EXOC3L4: variants seen among roughly 807,000 people sequenced by gnomAD.
EXOC3L4 encodes exocyst complex component 3 like 4, also known as exocyst complex component 3-like protein 4.
A neutral mutation model predicts 69.7 loss-of-function variants in EXOC3L4; 62 were observed. The observed-to-expected ratio is 0.89, with a 90% CI of 0.72 to 1.10. The LOEUF is 1.10. EXOC3L4 is among the 50% of genes least tolerant of loss of function. The pLI is 0.00. For synonymous variants in EXOC3L4, 502 were observed against 464.2 expected, an observed-to-expected ratio of 1.08 and a Z score of -1.05; for missense variants, 1,087 against 1,034.8, an observed-to-expected ratio of 1.05 and a Z score of -0.69.
At chr14:103,103,703 T>C in intron 3 of EXOC3L4, 1 of 517,494 alleles carries the variant, frequency 1.9e-6, no homozygotes, top group South Asian at 2.5e-5. Context: ...GCCATCTGGG[T>C]AGCCGTCCTT....
At chr14:103,099,537 C>T (rs540426928) in intron 1 of EXOC3L4, among the ~76,000 whole-genome samples, 1 of 152,334 alleles carries the variant, frequency 6.6e-6, no homozygotes, top group African/African-American at 2.4e-5. Context: ...ACCCGAGGCT[C>T]CTCCTTCTGC....
Position 103,097,372 on chromosome 14 carries a change from A to C in EXOC3L4, c.-17+2532A>C, listed in dbSNP as rs1336819979. On this transcript the variant is annotated intron_variant, in intron 1 of 11. Transcript: ENST00000688303. This position sits in a 1 kb window ranked among gnomAD's most constrained non-coding sequence, Gnocchi z 4.9. Reference sequence around the variant, plus strand: ...CCGGGGCCCCCTGGACTCTCCGGGCACTGGGGACAGAGAGACGCAGAGAGA... The same window carrying C: ...CCGGGGCCCCCTGGACTCTCCGGGCCCTGGGGACAGAGAGACGCAGAGAGA... Among the ~76,000 whole-genome samples the C allele has an allele frequency of 6.6e-6, 1 of 152,126 alleles. No individual in the cohort carries two copies. Among genetic ancestry groups the C allele is most frequent in the East Asian group, 1.9e-4 (1 of 5,184 alleles).
rs73356622 is a variant in EXOC3L4, at chr14:103,097,610, C to G, written c.-16-2594C>G. Among the ~76,000 whole-genome samples the G allele has an allele frequency of 0.07, 10,667 of 152,140 alleles. 1,208 individuals carry two copies. Among genetic ancestry groups the G allele is most frequent in the African/African-American group, 0.24 (10,033 of 41,444 alleles). On this transcript the variant is annotated intron_variant, in intron 1 of 11. Transcript: ENST00000688303. This position sits in a 1 kb window ranked among gnomAD's most constrained non-coding sequence, Gnocchi z 4.9. ...CTTCCAGGCTGTGCTCAGGGGTGAC[C>G]GGGGTAGATGGACAGAGGCTGCCAG...
At chr14:103,107,285 C>T (rs1274713783) in intron 8 of EXOC3L4, 139 bp from the exon 9 acceptor site, 4 of 1,349,178 alleles carry the variant, frequency 3.0e-6, no homozygotes, top group Middle Eastern at 2.3e-4. Flanking sequence ...GGGCTCGTGA[C>T]ATAACCTGTG....
Position 103,107,524 on chromosome 14 carries a change from T to C in EXOC3L4, c.1682T>C (p.Val561Ala). ...ACCTTCGCCGGTCATCTCCAGCGTG[T>C]GGCCCGGCCGCGGGCACAGGTACCA... ...VVTFAGHLQR[V>A]ARPRAQETLQ... The change falls in exon 9 of 12, where the codon GTG becomes GCG. Residue 561 changes from valine (V) to alanine (A), a missense_variant. Val to Ala is a moderately conservative substitution (Grantham distance 64, BLOSUM62 0). Transcript: ENST00000688303. The C allele has an allele frequency of 6.2e-7, 1 of 1,613,750 alleles. No individual in the cohort carries two copies. Among genetic ancestry groups the C allele is most frequent in the Non-Finnish European group, 8.5e-7 (1 of 1,180,014 alleles).
chr14:103,096,471 A>G (rs1889892763), intron 1 of EXOC3L4, among the ~76,000 whole-genome samples: 1 of 150,756 alleles, frequency 6.6e-6, no homozygotes. Context: ...AGGGGACCCA[A>G]AGAGGGTAGC....
intron 1 of EXOC3L4, chr14:103,098,760 C>G (rs1423584052): frequency 6.6e-6 from 1 of 152,226 alleles, no homozygotes; most frequent in Non-Finnish European, 1.5e-5. Flanking sequence ...AAGTGTGGGT[C>G]AAGTCCGAAT....
At chr14:103,107,807 C>A (rs781053459) in intron 10 of EXOC3L4, 24 bp downstream of exon 10, 4 of 1,485,490 alleles carry the variant, frequency 2.7e-6, no homozygotes, top group Non-Finnish European at 3.6e-6. Flanking sequence ...GACTGCCCTT[C>A]GGTGCTCGCC....
Position 103,105,065 on chromosome 14 carries a change from G to A in EXOC3L4, c.1459G>A (p.Glu487Lys), listed in dbSNP as rs1053391683. ...GGGCGCCTACATCAACGCCTGCGAG[G>A]AGCTCAGGTAGGGCTCGCCCGCTCC... The part of the protein sequence containing the change: ...HLGAYINACE[E>K]LRTSLLSRFP... The change falls in exon 7 of 12, where the codon GAG (glutamate) becomes AAG (lysine). Residue 487 changes from glutamate (E) to lysine (K), a missense_variant. By Grantham distance (56) the Glu-to-Lys change is moderately conservative. Transcript: ENST00000688303. 1 of 1,610,074 alleles carries A rather than the reference G, an allele frequency of 6.2e-7. No individual in the cohort carries two copies. The highest frequency in any genetic ancestry group is 8.5e-7 in the Non-Finnish European group (1 of 1,177,078).
chr14:103,097,703 C>T lies in EXOC3L4; in HGVS notation c.-16-2501C>T, dbSNP rs565072675. ...TACCCACTGAGCAGATAGATGGTGA[C>T]GGCCGGTGGTGCAAGGCATCTGAAC... is the stretch of plus-strand genomic sequence containing the variant. On this transcript the variant is annotated intron_variant, in intron 1 of 11. Coordinates refer to ENST00000688303, the MANE Select transcript of EXOC3L4 (RefSeq NM_001077594.2). This position sits in a 1 kb window ranked among gnomAD's most constrained non-coding sequence, Gnocchi z 4.9. 8.5e-5 allele frequency among the ~76,000 whole-genome samples: 13 copies of T among 152,240 alleles called. No homozygotes were observed. The East Asian group carries it at 1.7e-3, about 20-fold the overall frequency.
At chr14:103,104,862 GAGCGA>G in intron 6 of EXOC3L4, 24 bp downstream of exon 6, 1 of 1,516,186 alleles carries the variant, frequency 6.6e-7, no homozygotes, top group Non-Finnish European at 8.9e-7. Flanking sequence ...CTCAGTAGGG[GAGCGA>G]CCTGGCCGGG....
In EXOC3L4 at chr14:103,100,356, C is replaced by T. The variant is rs1890101972; in HGVS notation, c.137C>T (p.Thr46Ile). 6.2e-7 allele frequency: 1 copy of T among 1,603,998 alleles called. No individual in the cohort carries two copies. The highest frequency in any genetic ancestry group is 8.5e-7 in the Non-Finnish European group (1 of 1,175,062). Residue 46 changes from threonine to isoleucine, a missense_variant, in exon 2 of 12, where the codon ACA becomes ATA. Transcript: ENST00000688303. ...CCCAATGCCCACCGCAAGGATGGCA[C>T]AAGGCTGGGCCTGGGCTCCCTGAGG... ...KEPNAHRKDGTRLGLGSLRQA... is the reference protein window; with the variant it reads ...KEPNAHRKDGIRLGLGSLRQA...
chr14:103,103,958 C>G lies in EXOC3L4; in HGVS notation c.1067C>G (p.Ala356Gly), dbSNP rs774950908. 3.9e-6 allele frequency: 6 copies of G among 1,546,082 alleles called. No individual in the cohort carries two copies. The highest frequency in any genetic ancestry group is 5.2e-6 in the Non-Finnish European group (6 of 1,151,388). The change falls in exon 4 of 12, where the codon GCC becomes GGC. Residue 356 changes from alanine to glycine, a missense_variant. Physicochemically the swap from Ala to Gly is moderately conservative, Grantham distance 60. Coordinates refer to ENST00000688303, the MANE Select transcript of EXOC3L4 (RefSeq NM_001077594.2). ...TCTTCCAGTCCTGACTTCCTGGGCG[C>G]CCCGGGGCTGGCGCTGCCCGCCGAG... ...NVYGSPDFLG[A>G]PGLALPAEPL...
chr14:103,097,372 A>G lies in EXOC3L4; in HGVS notation c.-17+2532A>G, dbSNP rs1336819979. On this transcript the variant is annotated intron_variant, in intron 1 of 11. Transcript: ENST00000688303. The surrounding 1 kb of genome is among the most constrained non-coding windows in gnomAD (Gnocchi z 4.9). ...CCGGGGCCCCCTGGACTCTCCGGGC[A>G]CTGGGGACAGAGAGACGCAGAGAGA... is the stretch of plus-strand genomic sequence containing the variant. Among the ~76,000 whole-genome samples the G allele has an allele frequency of 3.9e-5, 6 of 152,126 alleles. No individual in the cohort carries two copies. Among genetic ancestry groups the G allele is most frequent in the Non-Finnish European group, 5.9e-5 (4 of 67,994 alleles).
intron 2 of EXOC3L4, among the ~76,000 whole-genome samples, 198 bp downstream of exon 2, chr14:103,100,811 C>G (rs963789032): frequency 2.6e-5 from 4 of 152,140 alleles, no homozygotes; most frequent in Non-Finnish European, 5.9e-5. Context: ...TCACAGCTCA[C>G]TGCGACCTTG....
intron 7 of EXOC3L4, 68 bp from the exon 8 acceptor site, chr14:103,106,717 G>T: frequency 1.0e-6 from 1 of 953,648 alleles, no homozygotes; most frequent in South Asian, 1.6e-5. Context: ...GTGGAGCTGT[G>T]TGCCCGGCTC....
chr14:103,107,867 T>C lies in EXOC3L4; in HGVS notation c.1854+84T>C, dbSNP rs1566953135. 14 of 1,441,474 alleles carry C rather than the reference T, an allele frequency of 9.7e-6. No homozygotes were observed. The South Asian group carries it at 1.9e-4, about 20-fold the overall frequency. The allele number at this position is 1,441,474 out of a possible 1,614,324, so 89.3% of individuals were successfully genotyped here. A position where few individuals can be genotyped will look rare whatever the true frequency, so the allele number is the denominator to read the frequency against. On this transcript the variant is annotated intron_variant, in intron 10 of 11. Coordinates refer to ENST00000688303, the MANE Select transcript of EXOC3L4 (RefSeq NM_001077594.2). ...ACTAGGGCCTTAGCGCCGGGAGGGC[T>C]TTTGGCAGGAGTGGTTCTCCCCACT...
Position 103,100,385 on chromosome 14 carries a change from G to A in EXOC3L4, c.166G>A (p.Ala56Thr). 6.2e-7 allele frequency: 1 copy of A among 1,609,172 alleles called. No individual in the cohort carries two copies. The highest frequency in any genetic ancestry group is 8.5e-7 in the Non-Finnish European group (1 of 1,177,872). The change falls in exon 2 of 12, where the codon GCC (alanine) becomes ACC (threonine). Residue 56 changes from alanine (A) to threonine (T), a missense_variant. By Grantham distance (58) the Ala-to-Thr change is moderately conservative (BLOSUM62 0). Coordinates refer to ENST00000688303, the MANE Select transcript of EXOC3L4 (RefSeq NM_001077594.2). ...TRLGLGSLRQ[A>T]FSRASQRALT... ...GCTGGGCCTGGGCTCCCTGAGGCAGGCCTTCTCCCGGGCCAGCCAGCGGGC... is the reference window on the plus strand; with the variant it reads ...GCTGGGCCTGGGCTCCCTGAGGCAGACCTTCTCCCGGGCCAGCCAGCGGGC...
chr14:103,104,446 G>A (rs1890417097), intron 5 of EXOC3L4, 57 bp downstream of exon 5: 1 of 1,456,396 alleles, frequency 6.9e-7, no homozygotes, highest in African/African-American at 1.5e-5. Context: ...CACGCACACG[G>A]TGGCGATTTC....
Sources: allele counts gnomAD v4.1 joint callset (sites outside exome capture counted in the v4.1 genomes callset), GRCh38; gene constraint gnomAD v4.1.1; non-coding constraint Gnocchi (gnomAD v3.1); transcripts MANE v1.5; gene names NCBI Gene and HGNC (gene_info 2026-07-23, HGNC 2026-07-21).